Variants in TPPP observed in about 807,000 individuals in gnomAD.
The protein encoded by TPPP is tubulin polymerization promoting protein.
TPPP carries 6 observed loss-of-function variants against 15.5 expected under a neutral mutation model. The observed-to-expected ratio is 0.39, with a 90% confidence interval of 0.21 to 0.77. The LOEUF (loss-of-function observed/expected upper bound fraction) is 0.77, where lower values mean the gene tolerates loss of function less well. TPPP is among the 30% of genes least tolerant of loss of function. TPPP has a pLI of 0.42. For missense variants in TPPP, 269 were observed against 307.2 expected (o/e 0.88, Z 0.93); for synonymous variants, 146 against 133.9 (o/e 1.09, Z -0.63).
chr5:666,100 G>A lies in TPPP; in HGVS notation c.335C>T (p.Thr112Ile). ...KIKGKSCRTI[T>I]FEQFQEALEE... ...CAGCGCCTCCTGGAACTGCTCAAAG[G>A]TGATGGTCCGGCAAGACTTCCCTCT... The change falls in exon 3 of 4, where the codon ACC becomes ATC. Residue 112 changes from threonine to isoleucine, a missense_variant. Transcript: ENST00000360578. The A allele has an allele frequency of 6.2e-7, 1 of 1,605,328 alleles. No homozygotes were observed. The highest frequency in any genetic ancestry group is 8.5e-7 in the Non-Finnish European group (1 of 1,177,626).
chr5:700,454 G>C, the TPPP span, among the ~76,000 whole-genome samples: 1 of 151,956 alleles, frequency 6.6e-6, no homozygotes, highest in African/African-American at 2.4e-5. Context: ...AGGGTGGAAG[G>C]GGGTGAGAGT....
intron 1 of TPPP, among the ~76,000 whole-genome samples, chr5:679,240 A>G (rs1229913003): frequency 1.3e-5 from 2 of 151,910 alleles, no homozygotes; most frequent in Admixed American, 6.6e-5. Flanking sequence ...ATTCCCCCAA[A>G]ACAGCCAGAA....
chr5:664,873 T>C lies in TPPP; in HGVS notation c.*229A>G. 1.8e-6 allele frequency: 1 copy of C among 562,948 alleles called. No homozygotes were observed. The highest frequency in any genetic ancestry group is 3.2e-6 in the Non-Finnish European group (1 of 314,868). The allele number at this position is 562,948 out of a possible 1,614,324, so 34.9% of individuals were successfully genotyped here. A position where few individuals can be genotyped will look rare whatever the true frequency, so the allele number is the denominator to read the frequency against. On this transcript the variant is annotated 3_prime_UTR_variant, in exon 4 of 4. Transcript: ENST00000360578. ...GAAATGGCTGAGGACGAGGCAGGTG[T>C]ATTAGGAGGGTCAGCGAACTGGGGC...
chr5:666,608 A>G (rs1430748455), intron 2 of TPPP, among the ~76,000 whole-genome samples: 2 of 151,512 alleles, frequency 1.3e-5, no homozygotes, highest in East Asian at 3.9e-4. Flanking sequence ...CCCACGCCTC[A>G]GATGCCCTGG....
chr5:665,965 C>T lies in TPPP; in HGVS notation c.465+5G>A. Reference sequence around the variant, plus strand: ...GGCCCCGCCTTCCATCCCCGCCCTGCTCACCGTCACCCCTGAGATGATGGG... The same window carrying T: ...GGCCCCGCCTTCCATCCCCGCCCTGTTCACCGTCACCCCTGAGATGATGGG... On this transcript the variant is annotated splice_donor_5th_base_variant and intron_variant, in intron 3 of 3. Transcript: ENST00000360578. 6.3e-7 allele frequency: 1 copy of T among 1,581,484 alleles called. No individual in the cohort carries two copies. Among genetic ancestry groups the T allele is most frequent in the Non-Finnish European group, 8.5e-7 (1 of 1,171,548 alleles).
At chr5:669,514 A>G (rs569092347) in intron 2 of TPPP, among the ~76,000 whole-genome samples, 88 of 152,220 alleles carry the variant, frequency 5.8e-4, no homozygotes, top group Admixed American at 1.4e-3. Context: ...TGGGCCGTCA[A>G]AGGCTCTCCT....
intron 2 of TPPP, chr5:666,810 T>C (rs150309428): frequency 1.3e-5 from 2 of 152,256 alleles, no homozygotes; most frequent in Non-Finnish European, 2.9e-5. Context: ...CTAAACTGAC[T>C]CTTGGTTTTT....
chr5:671,824 G>A (rs937884200), intron 2 of TPPP, among the ~76,000 whole-genome samples: 12 of 152,216 alleles, frequency 7.9e-5, no homozygotes, highest in African/African-American at 2.4e-4. Flanking sequence ...GTGCAAGCCC[G>A]GGACAGGGTG....
At chr5:693,551 G>A (rs900360991), upstream of TPPP, among the ~76,000 whole-genome samples, 1 of 151,542 alleles carries the variant, frequency 6.6e-6, no homozygotes, top group African/African-American at 2.4e-5. Flanking sequence ...TTACAAGGCC[G>A]ACTCTGCTCA....
chr5:677,908 C>T lies in TPPP; in HGVS notation c.153G>A (p.Leu51=), dbSNP rs1297226071. 1.2e-6 allele frequency: 2 copies of T among 1,612,698 alleles called. No homozygotes were observed. Among genetic ancestry groups the T allele is most frequent in the Non-Finnish European group, 1.7e-6 (2 of 1,179,902 alleles). The change falls in exon 2 of 4, where the codon CTG becomes CTA. Residue 51 remains leucine, a synonymous_variant. Transcript: ENST00000360578. ...CGGCAAAGCGCCGGAAGGCCTCCTC[C>T]AGGGCACTGAGCTCAGGGGATGCGG... is the stretch of plus-strand genomic sequence containing the variant. ...GAAASPELSA[L]EEAFRRFAVH...
At position 677,884 on chromosome 5, in the gene TPPP, G is replaced by A. The variant is rs373339473; in HGVS notation, c.177C>T (p.Ala59=). Reference sequence around the variant, plus strand: ...CGGTGGCCCTGGCGTCCCCGTGCACGGCAAAGCGCCGGAAGGCCTCCTCCA... The same window carrying A: ...CGGTGGCCCTGGCGTCCCCGTGCACAGCAAAGCGCCGGAAGGCCTCCTCCA... ...SALEEAFRRF[A]VHGDARATGR... is the part of the protein sequence containing the mutation. Residue 59 remains alanine, a synonymous_variant, in exon 2 of 4, where the codon GCC becomes GCT. Coordinates refer to ENST00000360578, the MANE Select transcript of TPPP (RefSeq NM_007030.3). 39 of 1,612,608 alleles carry A rather than the reference G, an allele frequency of 2.4e-5. No homozygotes were observed. Among genetic ancestry groups the A allele is most frequent in the Admixed American group, 3.3e-5 (2 of 59,944 alleles).
chr5:675,323 CG>C (rs1740380621), intron 2 of TPPP, among the ~76,000 whole-genome samples: 1 of 39,008 alleles, frequency 2.6e-5, no homozygotes, highest in African/African-American at 1.1e-4. Context: ...ACAGTGTGGC[CG>C]GGGGTGCAGT....
chr5:663,029 CG>C lies in TPPP; in HGVS notation c.*2072del, dbSNP rs1739719946. 6.6e-6 allele frequency: 1 copy of C among 150,844 alleles called. No individual in the cohort carries two copies. The allele number at this position is 150,844 out of a possible 1,614,324, so 9.3% of individuals were successfully genotyped here. On this transcript the variant is annotated 3_prime_UTR_variant, in exon 4 of 4. Coordinates refer to ENST00000360578, the MANE Select transcript of TPPP (RefSeq NM_007030.3). Reference sequence around the variant, plus strand: ...AGTCTGGTGACCGCTCGTCTGTGATCGGGTGAGTCCGATGACTGCTCGTCTG... The same window carrying C: ...AGTCTGGTGACCGCTCGTCTGTGATCGGTGAGTCCGATGACTGCTCGTCTG...
At chr5:698,477 T>A in the TPPP span, among the ~76,000 whole-genome samples, 3 of 151,982 alleles carry the variant, frequency 2.0e-5, no homozygotes, top group Admixed American at 6.6e-5. Flanking sequence ...ATAAACAAAA[T>A]GAGGTTTCAT....
the TPPP span, among the ~76,000 whole-genome samples, chr5:698,556 C>T: frequency 5.9e-4 from 89 of 152,030 alleles, no homozygotes; most frequent in East Asian, 2.5e-3. Flanking sequence ...AGATCATACA[C>T]GGCAGCAGGC....
At chr5:684,442 G>A (rs1310360052) in intron 1 of TPPP, among the ~76,000 whole-genome samples, 7 of 151,434 alleles carry the variant, frequency 4.6e-5, no homozygotes, top group Admixed American at 2.6e-4. Flanking sequence ...AGCTCTCGGC[G>A]CTGGAGACCC....
chr5:676,951 G>A (rs115560806), intron 2 of TPPP, among the ~76,000 whole-genome samples: 2 of 148,500 alleles, frequency 1.3e-5, no homozygotes, highest in African/African-American at 2.5e-5. Context: ...ACGCAGAAAC[G>A]CGCACACGTG....
chr5:685,579 C>T (rs773876274), intron 1 of TPPP, among the ~76,000 whole-genome samples: 2 of 152,194 alleles, frequency 1.3e-5, no homozygotes, highest in Non-Finnish European at 2.9e-5. Flanking sequence ...GCTGCATGGC[C>T]CTGGCCACCT....
At chr5:674,763 C>G (rs962918485) in intron 2 of TPPP, among the ~76,000 whole-genome samples, 6 of 151,746 alleles carry the variant, frequency 4.0e-5, no homozygotes, top group African/African-American at 1.5e-4. Flanking sequence ...GTCCTCCAGG[C>G]AGAGGCTGCA....
Sources: allele counts gnomAD v4.1 joint callset (sites outside exome capture counted in the v4.1 genomes callset), GRCh38; gene constraint gnomAD v4.1.1; transcripts MANE v1.5; gene names NCBI Gene and HGNC (gene_info 2026-07-23, HGNC 2026-07-21).